Variants in SH3TC1 observed in about 807,000 individuals in gnomAD.
SH3TC1 encodes SH3 domain and tetratricopeptide repeat-containing protein 1.
In SH3TC1, 135 loss-of-function variants were observed where a neutral mutation model predicts 117.3. The ratio of observed to expected loss-of-function variants is 1.15; its 90% CI spans 1.00 to 1.33. The LOEUF is 1.33. Ranked by LOEUF, SH3TC1 falls within the 40% of genes most tolerant of loss-of-function variation. SH3TC1 has a pLI of 0.00. For synonymous variants in SH3TC1, 898 were observed against 816.9 expected, an observed-to-expected ratio of 1.10 and a Z score of -1.69; for missense variants, 2,092 against 1,794.3, an observed-to-expected ratio of 1.17 and a Z score of -3.00.
rs1491524904 is a variant in SH3TC1 at position 8,222,360 on chromosome 4, GGT to G, written c.1113-479_1113-478del. On this transcript the variant is annotated intron_variant, in intron 9 of 17. Coordinates refer to ENST00000245105, the MANE Select transcript of SH3TC1 (RefSeq NM_018986.5). ...AAGGCACCCCTTGAGGTCAGGATCT[GGT>G]TTTTTTTTTTTTTTTTTTTTTTTTT... is the stretch of plus-strand genomic sequence containing the variant. Among the ~76,000 whole-genome samples the G allele has an allele frequency of 2.9e-3, 304 of 105,778 alleles. 2 individuals are homozygous for G. Among genetic ancestry groups the G allele is most frequent in the Admixed American group, 9.1e-3 (70 of 7,700 alleles). 69.4% of individuals were successfully genotyped at this position (105,778 alleles called of 152,430 possible).
chr4:8,235,846 G>A, intron 15 of SH3TC1: 1 of 388,826 alleles, frequency 2.6e-6, no homozygotes, highest in East Asian at 4.5e-5. Context: ...GGCTCAGAGA[G>A]GCACAGGGAC....
intron 13 of SH3TC1, chr4:8,233,087 G>A (rs1193720896): frequency 1.4e-5 from 18 of 1,289,688 alleles, no homozygotes; most frequent in South Asian, 1.7e-5. Flanking sequence ...GAAGACACAG[G>A]CCATGTCTGG....
At position 8,212,702 on chromosome 4, in the gene SH3TC1, C is replaced by A. The variant is rs779125439; in HGVS notation, c.249C>A (p.Asp83Glu). 31 of 1,612,814 alleles carry A rather than the reference C, an allele frequency of 1.9e-5. No individual in the cohort carries two copies. In the Admixed American group the frequency reaches 4.8e-4, roughly 25 times the overall value. Residue 83 changes from aspartate to glutamate, a missense_variant and splice_region_variant, in exon 4 of 18, where the codon GAC becomes GAA. Transcript: ENST00000245105. ...PPCQMGVYPT[D>E]LTLQLLAVRR... The stretch of plus-strand genomic sequence containing the variant: ...CCCAACCTCCGTCTGCCCCTCCAGA[C>A]CTGACCCTGCAGCTGCTGGCTGTGC...
chr4:8,213,325 G>A (rs1285533503), intron 4 of SH3TC1: 1 of 157,558 alleles, frequency 6.3e-6, no homozygotes, highest in Admixed American at 6.0e-5. Flanking sequence ...ACCACTGACT[G>A]GGGTTGGACC....
intron 15 of SH3TC1, chr4:8,235,773 C>A (rs945867596): frequency 1.9e-6 from 1 of 522,668 alleles, no homozygotes; most frequent in Non-Finnish European, 3.1e-6. Context: ...ACCCTTGCAC[C>A]CGATGATCTC....
At position 8,227,003 on chromosome 4, in the gene SH3TC1, C is replaced by A; in HGVS notation, c.1309C>A (p.Leu437Met). ...AGAAATACCTCCACCTTGCCTGAGC[C>A]TGGAGCCACAGGAGACCTTGCAGAA... ...EKEIPPPCLSLEPQETLQKVK... is the reference protein window; with the variant it reads ...EKEIPPPCLSMEPQETLQKVK... The change falls in exon 12 of 18, where the codon CTG becomes ATG. Residue 437 changes from leucine to methionine, a missense_variant. Leu to Met is a conservative substitution (Grantham distance 15). Transcript: ENST00000245105. The A allele has an allele frequency of 6.4e-7, 1 of 1,555,282 alleles. No homozygotes were observed. The highest frequency in any genetic ancestry group is 8.7e-7 in the Non-Finnish European group (1 of 1,150,174).
At chr4:8,216,008 G>A (rs1353993602) in intron 5 of SH3TC1, 103 bp from the exon 6 acceptor site, 5 of 1,388,092 alleles carry the variant, frequency 3.6e-6, no homozygotes, top group Non-Finnish European at 4.9e-6. Context: ...GGTCTCCCTG[G>A]ACCTGGTCAG....
intron 10 of SH3TC1, 66 bp downstream of exon 10, chr4:8,223,036 C>T: frequency 1.9e-6 from 3 of 1,555,964 alleles, no homozygotes; most frequent in Non-Finnish European, 1.7e-6. Context: ...GCCCCTGCTG[C>T]CCTCGTCCAT....
intron 1 of SH3TC1, among the ~76,000 whole-genome samples, chr4:8,187,776 T>C (rs1717274733): frequency 6.6e-6 from 1 of 152,170 alleles, no homozygotes; most frequent in South Asian, 2.1e-4. Flanking sequence ...GCTCTTGAAC[T>C]CCTGACCTTG....
rs988753454 is a variant in SH3TC1 at position 8,193,250 on chromosome 4, C to T, written c.-57+11040C>T. On this transcript the variant is annotated intron_variant, in intron 1 of 16. Coordinates refer to the SH3TC1 transcript ENST00000508641. The stretch of plus-strand genomic sequence containing the variant: ...GGCCAATGGGAGAACCAGCAGCCTG[C>T]GAAAGTGGGGAGAGTATGGGTAGCC... Among the ~76,000 whole-genome samples the T allele has an allele frequency of 1.1e-4, 17 of 152,308 alleles. No homozygotes were observed. In the East Asian group the frequency reaches 1.4e-3, roughly 12 times the overall value.
Position 8,203,143 on chromosome 4 carries a change from G to A in SH3TC1, c.-28-2024G>A, listed in dbSNP as rs115975845. 6.6e-3 allele frequency among the ~76,000 whole-genome samples: 1,003 copies of A among 152,332 alleles called. 6 individuals carry two copies. Among genetic ancestry groups the A allele is most frequent in the African/African-American group, 0.023 (944 of 41,570 alleles). On this transcript the variant is annotated intron_variant, in intron 1 of 17. Transcript: ENST00000245105. ...TCTTGGGGAGCAGCCTCTGTGAAGG[G>A]ACCTGTCGCCACAGTGGTGGCCCGA...
chr4:8,226,053 A>AT (rs775558659), intron 11 of SH3TC1, among the ~76,000 whole-genome samples: 43 of 151,770 alleles, frequency 2.8e-4, no homozygotes, highest in Admixed American at 5.3e-4. Flanking sequence ...ATCATATGTA[A>AT]TTTTTTTTTA....
At chr4:8,195,982 C>T (rs554449054), upstream of SH3TC1, among the ~76,000 whole-genome samples, 14 of 152,334 alleles carry the variant, frequency 9.2e-5, no homozygotes, top group South Asian at 1.2e-3. Context: ...GGCCAGGGCA[C>T]TGGTAGGAGG....
At chr4:8,220,998 G>T (rs1719871468) in intron 9 of SH3TC1, among the ~76,000 whole-genome samples, 1 of 152,228 alleles carries the variant, frequency 6.6e-6, no homozygotes, top group Admixed American at 6.5e-5. Context: ...CACATCCCTT[G>T]TGGGTGATCC....
intron 1 of SH3TC1, among the ~76,000 whole-genome samples, chr4:8,188,050 C>A (rs756296727): frequency 6.6e-6 from 1 of 152,156 alleles, no homozygotes; most frequent in Non-Finnish European, 1.5e-5. Context: ...CTTCCTGATG[C>A]GACAAGACAC....
At chr4:8,213,630 G>A (rs1345819028) in intron 4 of SH3TC1, among the ~76,000 whole-genome samples, 1 of 152,144 alleles carries the variant, frequency 6.6e-6, no homozygotes, top group Non-Finnish European at 1.5e-5. Flanking sequence ...GGACATGGTG[G>A]CTCACACCTG....
At chr4:8,222,435 G>A (rs1307697685) in intron 9 of SH3TC1, among the ~76,000 whole-genome samples, 2 of 127,436 alleles carry the variant, frequency 1.6e-5, no homozygotes, top group African/African-American at 5.9e-5. Flanking sequence ...GTGCAGTGGT[G>A]TGAACTCGGC....
chr4:8,210,067 C>T lies in SH3TC1; in HGVS notation c.247+245C>T, dbSNP rs986234616. 3.9e-5 allele frequency among the ~76,000 whole-genome samples: 6 copies of T among 152,204 alleles called. No homozygotes were observed. The highest frequency in any genetic ancestry group is 1.2e-4 in the African/African-American group (5 of 41,450). ...TGTGCACCTGCACAAACGGCAGACA[C>T]GGTCCTGGGGGCTCCGTGGGTGACA... On this transcript the variant is annotated intron_variant, in intron 3 of 17. Coordinates refer to ENST00000245105, the MANE Select transcript of SH3TC1 (RefSeq NM_018986.5). This position sits in a 1 kb window ranked among gnomAD's most constrained non-coding sequence, Gnocchi z 4.1.
chr4:8,212,687 G>A lies in SH3TC1; in HGVS notation c.248-14G>A, dbSNP rs141307214. ...AGGTCAGACCAACTGCCCAACCTCC[G>A]TCTGCCCCTCCAGACCTGACCCTGC... On this transcript the variant is annotated splice_polypyrimidine_tract_variant and intron_variant, in intron 3 of 17. Transcript: ENST00000245105. 1.0e-4 allele frequency: 168 copies of A among 1,612,734 alleles called. No individual in the cohort carries two copies. The African/African-American group carries it at 1.9e-3, about 18-fold the overall frequency.
Sources: gnomAD v4.1 joint callset for allele counts (sites outside exome capture counted in the v4.1 genomes callset) on GRCh38, gnomAD v4.1.1 for gene constraint, Gnocchi (gnomAD v3.1) non-coding constraint, MANE v1.5 for transcripts, NCBI Gene and HGNC (gene_info 2026-07-23, HGNC 2026-07-21) for gene names.